Variants in MARCHF10 observed in about 807,000 individuals in gnomAD.
MARCHF10 encodes probable E3 ubiquitin-protein ligase MARCHF10.
In MARCHF10, 64 loss-of-function variants were observed where a neutral mutation model predicts 76.2. The ratio of observed to expected loss-of-function variants is 0.84; its 90% confidence interval spans 0.69 to 1.03. The LOEUF (loss-of-function observed/expected upper bound fraction) is 1.03. Ranked by LOEUF, MARCHF10 falls within the 50% of genes least tolerant of loss-of-function variation. The probability of loss-of-function intolerance (pLI) is 0.00; values close to 1 mark genes in which losing one functional copy is unlikely to be tolerated. For missense variants in MARCHF10, 875 were observed against 958.0 expected (o/e 0.91, Z 1.14); for synonymous variants, 340 against 357.5 (o/e 0.95, Z 0.55).
intron 1 of MARCHF10, among the ~76,000 whole-genome samples, chr17:62,805,970 C>T (rs537126955): frequency 1.3e-5 from 2 of 152,006 alleles, no homozygotes; most frequent in South Asian, 4.2e-4. Flanking sequence ...AAAAGTCTCT[C>T]TTCCTTCCCA....
chr17:62,705,293 C>A, intron 10 of MARCHF10: 1 of 1,439,512 alleles, frequency 6.9e-7, no homozygotes, highest in East Asian at 2.6e-5. Context: ...ATAACCTCTT[C>A]CCTTTGTTGG....
chr17:62,704,968 A>G, intron 10 of MARCHF10: 1 of 741,468 alleles, frequency 1.3e-6, no homozygotes, highest in African/African-American at 1.9e-5. Flanking sequence ...TTTTAATGGA[A>G]AAAGGAACAG....
intron 1 of MARCHF10, among the ~76,000 whole-genome samples, chr17:62,803,547 T>C (rs2093113098): frequency 6.6e-6 from 1 of 151,328 alleles, no homozygotes. Context: ...TGAGATGGAG[T>C]CCTGCTCTGT....
chr17:62,784,086 G>A (rs892228313), intron 3 of MARCHF10, among the ~76,000 whole-genome samples: 2 of 152,156 alleles, frequency 1.3e-5, no homozygotes, highest in African/African-American at 4.8e-5. Flanking sequence ...GAGAATTTTA[G>A]ACCAGTATCC....
rs565353374 is a variant in MARCHF10 at position 62,766,924 on chromosome 17, G to C, written c.211-6918C>G. 3.9e-5 allele frequency among the ~76,000 whole-genome samples: 6 copies of C among 152,314 alleles called. No homozygotes were observed. In the South Asian group the frequency reaches 6.2e-4, roughly 16 times the overall value. On this transcript the variant is annotated intron_variant, in intron 3 of 10. Coordinates refer to ENST00000311269, the MANE Select transcript of MARCHF10 (RefSeq NM_152598.4). Reference sequence around the variant, plus strand: ...ACGTTCTGTTGCACCCATTCTAAATGTCATGGAAAACCCCTGGGAAAAGGT... The same window carrying C: ...ACGTTCTGTTGCACCCATTCTAAATCTCATGGAAAACCCCTGGGAAAAGGT...
chr17:62,703,701 G>T (rs1382980931), intron 10 of MARCHF10, among the ~76,000 whole-genome samples: 1 of 152,228 alleles, frequency 6.6e-6, no homozygotes, highest in East Asian at 1.9e-4. Flanking sequence ...GAGGAAGGAT[G>T]ACAAATGAGT....
At position 62,795,063 on chromosome 17, in the gene MARCHF10, T is replaced by A. The variant is rs542857515; in HGVS notation, c.91-6464A>T. 20 of 985,328 alleles carry A rather than the reference T, an allele frequency of 2.0e-5. No individual in the cohort carries two copies. The African/African-American group carries it at 3.3e-4, about 16-fold the overall frequency. The allele number at this position is 985,328 out of a possible 1,614,324, so 61.0% of individuals were successfully genotyped here. A position where few individuals can be genotyped will look rare whatever the true frequency, so the allele number is the denominator to read the frequency against. ...GGAGAATCCCTCACCTCCGTCCCTA[T>A]GGGAAGAAAAGTTGATTTATCCCCA... On this transcript the variant is annotated intron_variant, in intron 2 of 10. Coordinates refer to ENST00000311269, the MANE Select transcript of MARCHF10 (RefSeq NM_152598.4).
chr17:62,737,531 A>C, intron 5 of MARCHF10, 199 bp from the exon 6 acceptor site: 1 of 586,106 alleles, frequency 1.7e-6, no homozygotes, highest in African/African-American at 1.9e-5. Flanking sequence ...TCTCCTTTGT[A>C]CCCCTGTGGT....
intron 9 of MARCHF10, among the ~76,000 whole-genome samples, chr17:62,710,514 AAT>A (rs1184623072): frequency 2.0e-5 from 3 of 151,208 alleles, no homozygotes; most frequent in Non-Finnish European, 4.4e-5. Flanking sequence ...GAAAAAAAAA[AAT>A]CTAGGTTTCT....
intron 3 of MARCHF10, among the ~76,000 whole-genome samples, chr17:62,773,668 C>T (rs1043466081): frequency 7.9e-5 from 12 of 151,834 alleles, no homozygotes; most frequent in African/African-American, 2.7e-4. Flanking sequence ...GTGGAGAGGG[C>T]GGTGATGGTG....
At position 62,753,740 on chromosome 17, in the gene MARCHF10, C is replaced by T. The variant is rs561842284; in HGVS notation, c.382+6095G>A. On this transcript the variant is annotated intron_variant, in intron 4 of 10. Transcript: ENST00000311269. Reference sequence around the variant, plus strand: ...GGATTTTCACTCCACCTGGCCCTGCCCACAAGCTCTTAGAACTTACCTTGG... The same window carrying T: ...GGATTTTCACTCCACCTGGCCCTGCTCACAAGCTCTTAGAACTTACCTTGG... Among the ~76,000 whole-genome samples, 5 of 152,322 alleles carry T rather than the reference C, an allele frequency of 3.3e-5. No individual in the cohort carries two copies. The South Asian group carries it at 1.0e-3, about 32-fold the overall frequency.
intron 9 of MARCHF10, among the ~76,000 whole-genome samples, chr17:62,707,008 T>C (rs2089632984): frequency 6.6e-6 from 1 of 152,198 alleles, no homozygotes; most frequent in South Asian, 2.1e-4. Context: ...TGCCGGCCAC[T>C]TGCAGAAGCG....
intron 6 of MARCHF10, among the ~76,000 whole-genome samples, chr17:62,728,434 C>A (rs1369130993): frequency 6.6e-6 from 1 of 152,212 alleles, no homozygotes; most frequent in African/African-American, 2.4e-5. Flanking sequence ...CCGGGGACAG[C>A]GTGCTGGCCA....
intron 3 of MARCHF10, among the ~76,000 whole-genome samples, chr17:62,760,359 T>C (rs528822616): frequency 1.3e-5 from 2 of 152,328 alleles, no homozygotes; most frequent in Non-Finnish European, 2.9e-5. Context: ...TTATTTGAAC[T>C]ACTTTGGAGA....
intron 4 of MARCHF10, among the ~76,000 whole-genome samples, chr17:62,756,011 G>T (rs2092029822): frequency 6.6e-6 from 1 of 152,132 alleles, no homozygotes; most frequent in South Asian, 2.1e-4. Flanking sequence ...TACTCTGGGA[G>T]GCCAAGGTGG....
chr17:62,780,741 T>C (rs1189752613), intron 3 of MARCHF10, among the ~76,000 whole-genome samples: 1 of 152,208 alleles, frequency 6.6e-6, no homozygotes, highest in African/African-American at 2.4e-5. Context: ...TTCTCAGTCC[T>C]TGAGGCTTGT....
intron 6 of MARCHF10, among the ~76,000 whole-genome samples, chr17:62,729,365 A>G (rs1349881684): frequency 6.6e-6 from 1 of 151,442 alleles, no homozygotes; most frequent in Non-Finnish European, 1.5e-5. Flanking sequence ...GGCACAAAAA[A>G]TACTGTTCGT....
chr17:62,719,323 A>G (rs1195016368), intron 8 of MARCHF10, among the ~76,000 whole-genome samples: 1 of 151,976 alleles, frequency 6.6e-6, no homozygotes, highest in Non-Finnish European at 1.5e-5. Flanking sequence ...TTTTTTTTTG[A>G]TATTTTACTT....
At chr17:62,793,175 TCAC>T (rs2092901622) in intron 2 of MARCHF10, among the ~76,000 whole-genome samples, 4 of 41,998 alleles carry the variant, frequency 9.5e-5, no homozygotes, top group Admixed American at 2.4e-4. Context: ...ACCACCTCCA[TCAC>T]TACCACCACC....
Sources: allele counts gnomAD v4.1 joint callset (sites outside exome capture counted in the v4.1 genomes callset), GRCh38; gene constraint gnomAD v4.1.1; transcripts MANE v1.5; gene names NCBI Gene and HGNC (gene_info 2026-07-23, HGNC 2026-07-21).